Variants in PTH2R observed in about 807,000 individuals in gnomAD.
The protein encoded by PTH2R is parathyroid hormone 2 receptor.
PTH2R carries 59 observed loss-of-function variants against 60.3 expected under a neutral mutation model. The observed-to-expected ratio is 0.98, with a 90% confidence interval of 0.79 to 1.22. PTH2R has a LOEUF of 1.22. Ranked by LOEUF, PTH2R falls within the 50% of genes most tolerant of loss-of-function variation. PTH2R has a pLI of 0.00. For missense variants in PTH2R, 749 were observed against 682.6 expected (o/e 1.10, Z -1.08); for synonymous variants, 256 against 243.8 (o/e 1.05, Z -0.47).
rs578163129 is a variant in PTH2R at position 208,436,814 on chromosome 2, A to G, written c.179-723A>G. On this transcript the variant is annotated intron_variant, in intron 2 of 12. Coordinates refer to ENST00000272847, the MANE Select transcript of PTH2R (RefSeq NM_005048.4). ...GTATGTTGCATTCCCAGCACATTCT[A>G]TAGTTATTCTTGAGAACTACAAAAA... is the stretch of plus-strand genomic sequence containing the variant. Among the ~76,000 whole-genome samples, 3 of 152,224 alleles carry G rather than the reference A, an allele frequency of 2.0e-5. No individual in the cohort carries two copies. The South Asian group carries it at 6.2e-4, about 32-fold the overall frequency.
chr2:208,447,495 G>A (rs1396958454), intron 7 of PTH2R, among the ~76,000 whole-genome samples: 2 of 151,680 alleles, frequency 1.3e-5, no homozygotes, highest in African/African-American at 4.8e-5. Context: ...GGCTGAAGCA[G>A]GAGAATGGCG....
chr2:208,488,952 G>A (rs1703336774), intron 10 of PTH2R, 60 bp from the exon 11 acceptor site: 5 of 1,586,838 alleles, frequency 3.2e-6, no homozygotes, highest in African/African-American at 1.4e-5. Context: ...CCTCCAGCAC[G>A]CTGTCTTTAC....
chr2:208,395,878 G>A (rs1046865443), intron 1 of PTH2R, among the ~76,000 whole-genome samples: 13 of 152,130 alleles, frequency 8.5e-5, no homozygotes, highest in East Asian at 1.9e-4. Flanking sequence ...AAAGAACAAC[G>A]CTGGAGGCAT....
chr2:208,460,708 T>A (rs964436584), intron 9 of PTH2R, among the ~76,000 whole-genome samples: 5 of 152,194 alleles, frequency 3.3e-5, no homozygotes. Flanking sequence ...CTTTAAGGCA[T>A]CAGCTTCTTT....
At chr2:208,428,551 C>A (rs1411161574) in intron 2 of PTH2R, among the ~76,000 whole-genome samples, 1 of 152,208 alleles carries the variant, frequency 6.6e-6, no homozygotes, top group East Asian at 1.9e-4. Context: ...GCACATCAGC[C>A]TATCCCTTAG....
chr2:208,429,770 A>G (rs971363627), intron 2 of PTH2R, among the ~76,000 whole-genome samples: 3 of 152,144 alleles, frequency 2.0e-5, no homozygotes, highest in African/African-American at 7.2e-5. Flanking sequence ...ATAACAACTC[A>G]TATTTCCTCA....
At chr2:208,447,552 C>T (rs562755907) in intron 7 of PTH2R, among the ~76,000 whole-genome samples, 1 of 147,374 alleles carries the variant, frequency 6.8e-6, no homozygotes, top group Non-Finnish European at 1.5e-5. Context: ...CGCGCCACTG[C>T]ATTCTAGCCT....
upstream of PTH2R, among the ~76,000 whole-genome samples, chr2:208,403,832 C>A (rs1462152692): frequency 1.5e-4 from 23 of 152,128 alleles, no homozygotes; most frequent in African/African-American, 4.3e-4. Flanking sequence ...AGGATTGAGA[C>A]CTGAGATCTT....
chr2:208,440,650 A>G (rs1214994371), intron 4 of PTH2R, among the ~76,000 whole-genome samples: 1 of 152,212 alleles, frequency 6.6e-6, no homozygotes, highest in Non-Finnish European at 1.5e-5. Flanking sequence ...CTAGGACCAC[A>G]GTAGAAGGGG....
At chr2:208,365,956 ATATATTTTTTTTTTTTTTTT>A (rs1700581797) in intron 1 of PTH2R, among the ~76,000 whole-genome samples, 3 of 19,444 alleles carry the variant, frequency 1.5e-4, no homozygotes, top group Non-Finnish European at 2.6e-4. Flanking sequence ...ATATATATAT[ATATATTTTTTTTTTTTTTTT>A]TTTTTTTTTT....
chr2:208,381,106 G>T (rs558334178), intron 1 of PTH2R, among the ~76,000 whole-genome samples: 29 of 151,554 alleles, frequency 1.9e-4, no homozygotes, highest in Non-Finnish European at 4.3e-4. Flanking sequence ...TTGTTTTTGG[G>T]GCCACCACTT....
At chr2:208,465,222 C>T (rs1253327872) in intron 9 of PTH2R, among the ~76,000 whole-genome samples, 1 of 151,760 alleles carries the variant, frequency 6.6e-6, no homozygotes, top group Non-Finnish European at 1.5e-5. Flanking sequence ...GCAATCCACT[C>T]GCCTCTGCCT....
intron 10 of PTH2R, among the ~76,000 whole-genome samples, chr2:208,485,752 C>T (rs1703259421): frequency 6.6e-6 from 1 of 152,114 alleles, no homozygotes; most frequent in Non-Finnish European, 1.5e-5. Context: ...AAATCCTGCT[C>T]CCCCAATACC....
intron 1 of PTH2R, among the ~76,000 whole-genome samples, chr2:208,392,578 A>G: frequency 6.6e-6 from 1 of 152,144 alleles, no homozygotes; most frequent in East Asian, 1.9e-4. Flanking sequence ...GAATATCTCT[A>G]CCTAATAAAG....
intron 2 of PTH2R, among the ~76,000 whole-genome samples, chr2:208,435,429 C>T (rs1325850127): frequency 2.0e-5 from 3 of 152,104 alleles, no homozygotes; most frequent in Non-Finnish European, 4.4e-5. Flanking sequence ...TCTGGATTGT[C>T]TGAGTGGGTT....
chr2:208,491,359 T>C (rs1703400644), intron 12 of PTH2R, among the ~76,000 whole-genome samples: 2 of 152,182 alleles, frequency 1.3e-5, no homozygotes, highest in Admixed American at 6.5e-5. Flanking sequence ...TACTTGTGTA[T>C]TGTTCTTACC....
chr2:208,375,207 A>G (rs1396365801), intron 1 of PTH2R, among the ~76,000 whole-genome samples: 2 of 152,060 alleles, frequency 1.3e-5, no homozygotes, highest in Admixed American at 6.5e-5. Context: ...TGAGACCAGG[A>G]TGTTTTCTTT....
At chr2:208,465,388 C>CTTTTTTTTTTT (rs60871321) in intron 9 of PTH2R, among the ~76,000 whole-genome samples, 5 of 39,932 alleles carry the variant, frequency 1.3e-4, no homozygotes, top group African/African-American at 3.4e-4. Flanking sequence ...ATTTGTAAGT[C>CTTTTTTTTTTT]TTTTTTTTTT....
intron 9 of PTH2R, among the ~76,000 whole-genome samples, chr2:208,477,491 A>G (rs984433631): frequency 6.6e-6 from 1 of 151,822 alleles, no homozygotes; most frequent in South Asian, 2.1e-4. Flanking sequence ...TGCAGACTAC[A>G]TATTGGGTAC....
Sources: allele counts gnomAD v4.1 joint callset (sites outside exome capture counted in the v4.1 genomes callset), GRCh38; gene constraint gnomAD v4.1.1; transcripts MANE v1.5; gene names NCBI Gene and HGNC (gene_info 2026-07-23, HGNC 2026-07-21).